Variants in PDPK1 observed in about 807,000 individuals in gnomAD.
The protein encoded by PDPK1 is 3-phosphoinositide dependent protein kinase 1.
Under a neutral mutation model 39.8 loss-of-function variants are expected in PDPK1, and 7 were observed. The observed-to-expected ratio is 0.18, with a 90% CI of 0.10 to 0.33. The LOEUF (loss-of-function observed/expected upper bound fraction) is 0.33, where lower values mean the gene tolerates loss of function less well. PDPK1 is among the 10% of genes least tolerant of loss of function. The pLI is 1.00. For missense variants in PDPK1, 182 were observed against 384.7 expected (o/e 0.47, Z 4.41); for synonymous variants, 118 against 159.1 (o/e 0.74, Z 1.95).
Position 2,599,193 on chromosome 16 carries a change from G to T in PDPK1, c.*1426G>T. 1 of 233,418 alleles carries T rather than the reference G, an allele frequency of 4.3e-6. No homozygotes were observed. Among genetic ancestry groups the T allele is most frequent in the Non-Finnish European group, 8.5e-6 (1 of 118,134 alleles). 14.5% of individuals were successfully genotyped at this position (233,418 alleles called of 1,614,324 possible). Reference sequence around the variant, plus strand: ...TCTGGGCCCTTCTCTCCCTGCCCAGGTTGTCCCTGGAGGGCAGCCCTCACT... The same window carrying T: ...TCTGGGCCCTTCTCTCCCTGCCCAGTTTGTCCCTGGAGGGCAGCCCTCACT... On this transcript the variant is annotated 3_prime_UTR_variant, in exon 14 of 14. Coordinates refer to ENST00000342085, the MANE Select transcript of PDPK1 (RefSeq NM_002613.5).
intron 1 of PDPK1, among the ~76,000 whole-genome samples, chr16:2,541,595 G>A (rs2066246323): frequency 6.6e-6 from 1 of 152,196 alleles, no homozygotes; most frequent in African/African-American, 2.4e-5. Context: ...GAGGGCCAGG[G>A]TGCTCTATGC....
intron 12 of PDPK1, 135 bp from the exon 13 acceptor site, chr16:2,596,988 C>G (rs551490789): frequency 8.6e-5 from 45 of 523,512 alleles, no homozygotes; most frequent in African/African-American, 7.5e-4. Context: ...AGTCCCCTGC[C>G]CCTGGGTGAG....
At chr16:2,546,541 C>T (rs1288722084) in intron 1 of PDPK1, among the ~76,000 whole-genome samples, 1 of 152,074 alleles carries the variant, frequency 6.6e-6, no homozygotes, top group Non-Finnish European at 1.5e-5. Flanking sequence ...ACCATGTTGG[C>T]CAGGCTGGTC....
At chr16:2,563,350 AG>A (rs1481858690) in intron 4 of PDPK1, 1 of 23,212 alleles carries the variant, frequency 4.3e-5, no homozygotes, top group African/African-American at 1.5e-4. Flanking sequence ...TTTCTGATGG[AG>A]GGTGCTGGCT....
rs2067215906 is a variant in PDPK1 at position 2,601,554 on chromosome 16, C to G, written c.*3787C>G. Reference sequence around the variant, plus strand: ...AACAAGTGTTGAACTGACCTTGCCACATGCTTAGTGAGTGATTTGTAATTA... The same window carrying G: ...AACAAGTGTTGAACTGACCTTGCCAGATGCTTAGTGAGTGATTTGTAATTA... On this transcript the variant is annotated 3_prime_UTR_variant, in exon 14 of 14. Transcript: ENST00000342085. The G allele has an allele frequency of 4.3e-6, 1 of 234,378 alleles. No individual in the cohort carries two copies. Among genetic ancestry groups the G allele is most frequent in the African/African-American group, 2.2e-5 (1 of 45,310 alleles). The allele number at this position is 234,378 out of a possible 1,614,324, so 14.5% of individuals were successfully genotyped here.
chr16:2,556,066 ATT>A (rs1452229798), intron 1 of PDPK1: 2 of 93,688 alleles, frequency 2.1e-5, no homozygotes, highest in African/African-American at 9.2e-5. Flanking sequence ...TAGTGAATAT[ATT>A]CTTTTTATTT....
rs1346161679 is a variant in PDPK1 at position 2,586,744 on chromosome 16, A to C, written c.1194A>C (p.Ser398=). Residue 398 remains serine, a synonymous_variant, in exon 11 of 14, where the codon TCA becomes TCC. Transcript: ENST00000342085. ...VSSSSSSHSL[S]ASDTGLPQRS... is the part of the protein sequence containing the mutation. ...CGTCCTCCTCCTCACACTCCCTGTC[A>C]GCCTCCGACACGGGCCTGCCCCAGA... The C allele has an allele frequency of 6.2e-7, 1 of 1,614,122 alleles. No individual in the cohort carries two copies. The highest frequency in any genetic ancestry group is 8.5e-7 in the Non-Finnish European group (1 of 1,180,038).
intron 1 of PDPK1, among the ~76,000 whole-genome samples, chr16:2,540,809 C>T (rs1227447443): frequency 1.3e-5 from 2 of 152,172 alleles, no homozygotes; most frequent in Non-Finnish European, 2.9e-5. Context: ...CCCTTTGGAA[C>T]AAAGAAACAT....
intron 6 of PDPK1, among the ~76,000 whole-genome samples, chr16:2,573,870 C>T (rs1431077790): frequency 2.3e-5 from 1 of 43,276 alleles, no homozygotes; most frequent in African/African-American, 1.5e-4. Context: ...TCTCGGCTCA[C>T]TGCAACCTCC....
intron 10 of PDPK1, 87 bp from the exon 11 acceptor site, chr16:2,586,589 T>C: frequency 8.4e-7 from 1 of 1,183,996 alleles, no homozygotes; most frequent in Non-Finnish European, 1.2e-6. Context: ...TCCCAAGGCC[T>C]GACAGCGGCA....
chr16:2,540,491 C>G lies in PDPK1; in HGVS notation c.24+2355C>G, dbSNP rs551478668. On this transcript the variant is annotated intron_variant, in intron 1 of 13. Transcript: ENST00000342085. ...GACTCCAGTGTCACCCTGCCCCTCACGTTCGGAGCCCCTGAGGGAGGGTCT... is the reference window on the plus strand; with the variant it reads ...GACTCCAGTGTCACCCTGCCCCTCAGGTTCGGAGCCCCTGAGGGAGGGTCT... 2.4e-3 allele frequency among the ~76,000 whole-genome samples: 361 copies of G among 152,304 alleles called. 2 individuals are homozygous for G. The highest frequency in any genetic ancestry group is 8.4e-3 in the African/African-American group (347 of 41,550).
At chr16:2,546,572 C>T (rs8046517) in intron 1 of PDPK1, among the ~76,000 whole-genome samples, 7,070 of 152,212 alleles carry the variant, frequency 0.046, 543 homozygotes, top group African/African-American at 0.16. Context: ...GACCTCAAGC[C>T]ATCTGCCTTG....
Position 2,598,523 on chromosome 16 carries a change from G to T in PDPK1, c.*756G>T. On this transcript the variant is annotated 3_prime_UTR_variant, in exon 14 of 14. Coordinates refer to ENST00000342085, the MANE Select transcript of PDPK1 (RefSeq NM_002613.5). ...CCTACTTAGCAGTGTTGGTCTCTGG[G>T]GCTGGAAGCCGAGCGCATGCTGGGA... 1 of 233,628 alleles carries T rather than the reference G, an allele frequency of 4.3e-6. No individual in the cohort carries two copies. 14.5% of individuals were successfully genotyped at this position (233,628 alleles called of 1,614,324 possible). A position where few individuals can be genotyped will look rare whatever the true frequency, so the allele number is the denominator to read the frequency against.
intron 11 of PDPK1, 79 bp downstream of exon 11, chr16:2,586,972 G>A (rs570752353): frequency 1.4e-5 from 17 of 1,234,864 alleles, no homozygotes; most frequent in Non-Finnish European, 2.0e-5. Flanking sequence ...GGGTGCCTTT[G>A]CCTTGTCACT....
intron 11 of PDPK1, among the ~76,000 whole-genome samples, 180 bp downstream of exon 11, chr16:2,587,073 G>T (rs1457243383): frequency 1.3e-5 from 2 of 152,246 alleles, no homozygotes; most frequent in African/African-American, 4.8e-5. Flanking sequence ...CGGCCCAGGG[G>T]CTGAGTGGGT....
rs1251453769 is a variant in PDPK1 at position 2,603,015 on chromosome 16, T to C, written c.*5248T>C. 1 of 229,312 alleles carries C rather than the reference T, an allele frequency of 4.4e-6. No homozygotes were observed. Among genetic ancestry groups the C allele is most frequent in the African/African-American group, 2.2e-5 (1 of 45,112 alleles). The allele number at this position is 229,312 out of a possible 1,614,324, so 14.2% of individuals were successfully genotyped here. A position where few individuals can be genotyped will look rare whatever the true frequency, so the allele number is the denominator to read the frequency against. On this transcript the variant is annotated 3_prime_UTR_variant, in exon 14 of 14. Coordinates refer to ENST00000342085, the MANE Select transcript of PDPK1 (RefSeq NM_002613.5). ...ATTGTAAACTATATTTTACAACTTT[T>C]TTTCTGGCTTTATTATATAAATTTT...
intron 11 of PDPK1, chr16:2,594,055 G>C (rs1029609080): frequency 6.6e-6 from 1 of 152,286 alleles, no homozygotes; most frequent in African/African-American, 2.4e-5. Flanking sequence ...CCCTCTTGGG[G>C]CAGGCCTGGG....
chr16:2,559,584 CAG>C (rs1211782600), intron 2 of PDPK1, among the ~76,000 whole-genome samples: 5 of 150,104 alleles, frequency 3.3e-5, no homozygotes, highest in African/African-American at 1.0e-4. Flanking sequence ...CTTTTAGAAA[CAG>C]AGTCTTGCTC....
In PDPK1 at chr16:2,595,847, G is replaced by C; in HGVS notation, c.1398G>C (p.Arg466=). The change falls in exon 12 of 14, where the codon CGG becomes CGC. Residue 466 remains arginine (R), a synonymous_variant. Transcript: ENST00000342085. ...TAAAGATGGGCCCAGTGGATAAGCGGAAGGTGAGTGGTCAGTGGTCCCGCT... is the reference window on the plus strand; with the variant it reads ...TAAAGATGGGCCCAGTGGATAAGCGCAAGGTGAGTGGTCAGTGGTCCCGCT... ...LILKMGPVDK[R]KGLFARRRQL... 1.9e-6 allele frequency: 3 copies of C among 1,612,834 alleles called. No individual in the cohort carries two copies. Among genetic ancestry groups the C allele is most frequent in the Non-Finnish European group, 2.5e-6 (3 of 1,178,766 alleles).
Sources: allele counts gnomAD v4.1 joint callset (sites outside exome capture counted in the v4.1 genomes callset), GRCh38; gene constraint gnomAD v4.1.1; transcripts MANE v1.5; gene names NCBI Gene and HGNC (gene_info 2026-07-23, HGNC 2026-07-21).